Variants in ELOVL2 observed in about 807,000 individuals in gnomAD.
ELOVL2 encodes ELOVL fatty acid elongase 2, also known as very long chain fatty acid elongase 2.
ELOVL2 carries 38 observed loss-of-function variants against 37.7 expected under a neutral mutation model. That is an observed-to-expected ratio of 1.01 (90% confidence interval 0.78 to 1.32). The LOEUF is 1.32. ELOVL2 is among the 40% of genes most tolerant of loss of function. The pLI, the probability that ELOVL2 is intolerant of heterozygous loss-of-function variation, is 0.00. For synonymous variants in ELOVL2, 115 were observed against 122.3 expected, an observed-to-expected ratio of 0.94 and a Z score of 0.40; for missense variants, 352 against 363.6, an observed-to-expected ratio of 0.97 and a Z score of 0.26.
chr6:11,009,054 T>C (rs1447228976), intron 2 of ELOVL2, among the ~76,000 whole-genome samples: 1 of 152,238 alleles, frequency 6.6e-6, no homozygotes, highest in East Asian at 1.9e-4. Flanking sequence ...TAGAATTCAT[T>C]CATTTATTTG....
chr6:10,990,387 A>T lies in ELOVL2; in HGVS notation c.561T>A (p.Tyr187Ter). ...SFIHILMYSY[Y>*]GLSVFPSMHK... ...GCATAGATGGAAACACAGAAAGTCCATAGTAGGAGTACATAAGAATGTGGA... is the reference window on the plus strand; with the variant it reads ...GCATAGATGGAAACACAGAAAGTCCTTAGTAGGAGTACATAAGAATGTGGA... The change falls in exon 6 of 8, where the codon TAT (tyrosine) becomes TAA (stop). Residue 187 changes from tyrosine (Y) to a stop codon, truncating the protein, a stop_gained. Transcript: ENST00000354666. LOFTEE classifies it high-confidence loss of function. The T allele has an allele frequency of 6.2e-7, 1 of 1,612,572 alleles. No individual in the cohort carries two copies. The highest frequency in any genetic ancestry group is 8.5e-7 in the Non-Finnish European group (1 of 1,179,430).
chr6:11,043,609 G>A (rs76299556), intron 1 of ELOVL2: 2,642 of 152,966 alleles, frequency 0.017, 65 homozygotes, highest in African/African-American at 0.06. Flanking sequence ...CCCAGACACT[G>A]ATAGAAACCC....
At chr6:10,994,483 A>AAAAAAAG (rs1554111121) in intron 5 of ELOVL2, among the ~76,000 whole-genome samples, 3 of 146,092 alleles carry the variant, frequency 2.1e-5, no homozygotes, top group Non-Finnish European at 3.0e-5. Context: ...AAAAAAAAAA[A>AAAAAAAG]GAACAAATAT....
At chr6:11,021,216 C>T (rs1247539383) in intron 1 of ELOVL2, among the ~76,000 whole-genome samples, 2 of 152,240 alleles carry the variant, frequency 1.3e-5, no homozygotes, top group African/African-American at 4.8e-5. Flanking sequence ...CCTGTTCTCT[C>T]CGCATGTGCC....
Position 10,990,339 on chromosome 6 carries a change from T to A in ELOVL2, c.609A>T (p.Lys203Asn). Residue 203 changes from lysine to asparagine, a missense_variant, in exon 6 of 8, where the codon AAA becomes AAT. Transcript: ENST00000354666. ...PSMHKYLWWK[K>N]YLTQAQLVQF... ...ATACCAGCTGAGCCTGTGTGAGATA[T>A]TTCTTCCACCAAAGATACTTGTGCA... 1 of 1,612,710 alleles carries A rather than the reference T, an allele frequency of 6.2e-7. No individual in the cohort carries two copies. The highest frequency in any genetic ancestry group is 8.5e-7 in the Non-Finnish European group (1 of 1,179,592).
rs1316069029 is a variant in ELOVL2 at position 10,982,265 on chromosome 6, GA to G, written c.*1515del. Reference sequence around the variant, plus strand: ...TAAAAGTACAATTTTTTTAACAGGAGAAAGTTTAAAACTAGAGCTCAGGGGG... The same window carrying G: ...TAAAAGTACAATTTTTTTAACAGGAGAAGTTTAAAACTAGAGCTCAGGGGG... On this transcript the variant is annotated 3_prime_UTR_variant, in exon 8 of 8. Transcript: ENST00000354666. 3 of 152,066 alleles carry G rather than the reference GA, an allele frequency of 2.0e-5. No individual in the cohort carries two copies. The highest frequency in any genetic ancestry group is 1.3e-4 in the Admixed American group (2 of 15,266). The allele number at this position is 152,066 out of a possible 1,614,324, so 9.4% of individuals were successfully genotyped here.
chr6:10,997,758 A>C (rs1044392256), intron 4 of ELOVL2, among the ~76,000 whole-genome samples: 2 of 152,188 alleles, frequency 1.3e-5, no homozygotes, highest in Non-Finnish European at 2.9e-5. Flanking sequence ...ACTGCCTCAC[A>C]TCAGGAGGTA....
At chr6:11,002,943 T>G (rs1400221044) in intron 3 of ELOVL2, among the ~76,000 whole-genome samples, 1 of 152,186 alleles carries the variant, frequency 6.6e-6, no homozygotes, top group Non-Finnish European at 1.5e-5. Flanking sequence ...AGGAGAAATA[T>G]TGTATCTCTG....
chr6:10,994,104 G>A (rs531403990), intron 5 of ELOVL2, among the ~76,000 whole-genome samples: 3 of 151,804 alleles, frequency 2.0e-5, no homozygotes, highest in Non-Finnish European at 2.9e-5. Flanking sequence ...TTAAGGCTGC[G>A]GTGAGCTATG....
intron 1 of ELOVL2, among the ~76,000 whole-genome samples, chr6:11,034,636 T>C (rs1349460405): frequency 1.3e-5 from 2 of 151,734 alleles, no homozygotes; most frequent in Admixed American, 6.6e-5. Flanking sequence ...TGAGCTGAGA[T>C]TGCGCCACTG....
At position 10,990,347 on chromosome 6, in the gene ELOVL2, A is replaced by G; in HGVS notation, c.601T>C (p.Trp201Arg). 1 of 1,613,142 alleles carries G rather than the reference A, an allele frequency of 6.2e-7. No individual in the cohort carries two copies. Among genetic ancestry groups the G allele is most frequent in the South Asian group, 1.1e-5 (1 of 90,682 alleles). ...VFPSMHKYLW[W>R]KKYLTQAQLV... is the part of the protein sequence containing the mutation. ...TGAGCCTGTGTGAGATATTTCTTCC[A>G]CCAAAGATACTTGTGCATAGATGGA... Residue 201 changes from tryptophan (W) to arginine (R), a missense_variant, in exon 6 of 8, where the codon TGG becomes CGG. Trp to Arg is a moderately radical substitution (Grantham distance 101). Coordinates refer to ENST00000354666, the MANE Select transcript of ELOVL2 (RefSeq NM_017770.4).
rs746705946 is a variant in ELOVL2, at chr6:11,010,740, A to T, written c.67+6T>A. On this transcript the variant is annotated splice_donor_region_variant and intron_variant, in intron 2 of 7. Coordinates refer to ENST00000354666, the MANE Select transcript of ELOVL2 (RefSeq NM_017770.4). ...TCCACATTAAGTTCTCAAGTAATTC[A>T]CTGACCTCGCGGTCCAAACATATTG... The T allele has an allele frequency of 6.2e-7, 1 of 1,610,482 alleles. No homozygotes were observed. Among genetic ancestry groups the T allele is most frequent in the African/African-American group, 1.3e-5 (1 of 74,834 alleles).
rs1037013394 is a variant in ELOVL2 at position 10,994,932 on chromosome 6, A to G, written c.505+75T>C. 1.8e-5 allele frequency: 22 copies of G among 1,207,250 alleles called. No homozygotes were observed. The Admixed American group carries it at 1.9e-4, about 10-fold the overall frequency. 74.8% of individuals were successfully genotyped at this position (1,207,250 alleles called of 1,614,324 possible). ...TTCATGCTCTCCTGATCTGCATGCG[A>G]TGCTTAATACAAGACAGCACCAGTG... is the stretch of plus-strand genomic sequence containing the variant. On this transcript the variant is annotated intron_variant, in intron 5 of 7. Transcript: ENST00000354666.
chr6:11,030,960 T>C (rs975140793), intron 1 of ELOVL2, among the ~76,000 whole-genome samples: 2 of 152,208 alleles, frequency 1.3e-5, no homozygotes, highest in African/African-American at 4.8e-5. Context: ...TTCCAGTCTA[T>C]GGTTTTATAT....
At position 11,010,817 on chromosome 6, in the gene ELOVL2, G is replaced by C. The variant is rs1484064965; in HGVS notation, c.4-8C>G. The C allele has an allele frequency of 1.3e-6, 2 of 1,597,198 alleles. No individual in the cohort carries two copies. The highest frequency in any genetic ancestry group is 1.7e-6 in the Non-Finnish European group (2 of 1,173,690). ...AAAGGCCTTTAGATGTTCCTAAAAA[G>C]AGAAAGAAAAAATGATTTAAGTGTT... is the stretch of plus-strand genomic sequence containing the variant. On this transcript the variant is annotated splice_region_variant and splice_polypyrimidine_tract_variant and intron_variant, in intron 1 of 7. Transcript: ENST00000354666.
intron 1 of ELOVL2, among the ~76,000 whole-genome samples, chr6:11,030,658 A>T (rs1323395769): frequency 1.3e-5 from 2 of 151,422 alleles, no homozygotes; most frequent in Non-Finnish European, 2.9e-5. Flanking sequence ...CGCCCGGCTA[A>T]TTTTTTTGTA....
chr6:11,009,167 G>A (rs1383819172), intron 2 of ELOVL2, among the ~76,000 whole-genome samples: 1 of 152,158 alleles, frequency 6.6e-6, no homozygotes. Context: ...AGAAATCGCT[G>A]TTGGTAACAA....
intron 1 of ELOVL2, among the ~76,000 whole-genome samples, chr6:11,040,456 A>C (rs1167758931): frequency 6.6e-6 from 1 of 152,180 alleles, no homozygotes; most frequent in Non-Finnish European, 1.5e-5. Flanking sequence ...ATGAAAAAAA[A>C]CAATGGAAAA....
chr6:11,011,319 T>A (rs2113524497), intron 1 of ELOVL2, among the ~76,000 whole-genome samples: 1 of 149,316 alleles, frequency 6.7e-6, no homozygotes, highest in East Asian at 2.0e-4. Flanking sequence ...TGAGCCGAGA[T>A]CACGCCACCT....
Sources: allele counts gnomAD v4.1 joint callset (sites outside exome capture counted in the v4.1 genomes callset), GRCh38; gene constraint gnomAD v4.1.1; transcripts MANE v1.5; gene names NCBI Gene and HGNC (gene_info 2026-07-23, HGNC 2026-07-21).